The following COLEC12 variants were observed in gnomAD, a reference collection of about 807,000 sequenced individuals.
The protein encoded by COLEC12 is collectin-12.
COLEC12 carries 33 observed loss-of-function variants against 71.1 expected under a neutral mutation model. That is an observed-to-expected ratio of 0.46 (90% CI 0.35 to 0.62). The LOEUF is 0.62. Among genes scored for constraint, COLEC12 ranks in the 20% least tolerant of loss-of-function variants. The probability of loss-of-function intolerance (pLI) is 0.00; values close to 1 mark genes in which losing one functional copy is unlikely to be tolerated. For missense variants in COLEC12, 765 were observed against 916.1 expected (o/e 0.84, Z 2.13); for synonymous variants, 350 against 353.0 (o/e 0.99, Z 0.10).
chr18:343,655 G>A (rs1039640782), intron 5 of COLEC12, among the ~76,000 whole-genome samples: 1 of 152,160 alleles, frequency 6.6e-6, no homozygotes, highest in African/African-American at 2.4e-5. Context: ...GGTACCGTAG[G>A]GAGGGGCACA....
At chr18:371,413 C>G (rs1400431353) in intron 2 of COLEC12, among the ~76,000 whole-genome samples, 7 of 152,158 alleles carry the variant, frequency 4.6e-5, no homozygotes, top group Admixed American at 4.6e-4. Flanking sequence ...CTCCTGCTCA[C>G]TTCCCAGACA....
intron 2 of COLEC12, among the ~76,000 whole-genome samples, chr18:409,278 C>T (rs1053449791): frequency 6.6e-6 from 1 of 152,348 alleles, no homozygotes; most frequent in African/African-American, 2.4e-5. Context: ...TGGTGGCTCA[C>T]GCCTATAATC....
Position 409,000 on chromosome 18 carries a change from A to G in COLEC12, c.59-51478T>C, listed in dbSNP as rs1262665481. On this transcript the variant is annotated intron_variant, in intron 2 of 9. Coordinates refer to ENST00000400256, the MANE Select transcript of COLEC12 (RefSeq NM_130386.3). The surrounding 1 kb of genome is among the most constrained non-coding windows in gnomAD (Gnocchi z 4.3). ...GGCACATACCACCACGCCTAGCTAA[A>G]TTTTGTATTTTTTTTTGGAGAGACA... Among the ~76,000 whole-genome samples, 1 of 151,336 alleles carries G rather than the reference A, an allele frequency of 6.6e-6. No homozygotes were observed. The highest frequency in any genetic ancestry group is 1.5e-5 in the Non-Finnish European group (1 of 67,896).
At chr18:475,055 CAAGAGCTA>C (rs1277583446) in intron 2 of COLEC12, among the ~76,000 whole-genome samples, 3 of 150,900 alleles carry the variant, frequency 2.0e-5, no homozygotes, top group Admixed American at 6.7e-5. Context: ...GCCTGGGCGA[CAAGAGCTA>C]AACTCCGTCT....
At chr18:413,913 C>T (rs913074830) in intron 2 of COLEC12, among the ~76,000 whole-genome samples, 4 of 152,200 alleles carry the variant, frequency 2.6e-5, no homozygotes, top group Admixed American at 2.0e-4. Flanking sequence ...TGGTTATATA[C>T]TCTATGATTC....
chr18:430,831 A>G (rs1916288361), intron 2 of COLEC12, among the ~76,000 whole-genome samples: 1 of 152,196 alleles, frequency 6.6e-6, no homozygotes, highest in Non-Finnish European at 1.5e-5. Context: ...TAATTTCCTA[A>G]ACAAATATAT....
intron 2 of COLEC12, among the ~76,000 whole-genome samples, chr18:367,444 G>A (rs1238414146): frequency 6.6e-6 from 1 of 152,114 alleles, no homozygotes; most frequent in African/African-American, 2.4e-5. Context: ...CAATCAACCT[G>A]ACAGACATTC....
chr18:323,161 GT>G (rs1282386875), intron 8 of COLEC12, among the ~76,000 whole-genome samples: 9 of 152,256 alleles, frequency 5.9e-5, no homozygotes, highest in Non-Finnish European at 8.8e-5. Context: ...GGAGGTGGAG[GT>G]TTGCAGTGAG....
At chr18:428,082 T>C (rs1233215552) in intron 2 of COLEC12, among the ~76,000 whole-genome samples, 1 of 151,892 alleles carries the variant, frequency 6.6e-6, no homozygotes. Context: ...CTGGCCAACA[T>C]GGTGAAACCC....
At chr18:376,125 T>G (rs917789785) in intron 2 of COLEC12, among the ~76,000 whole-genome samples, 1 of 152,128 alleles carries the variant, frequency 6.6e-6, no homozygotes, top group Non-Finnish European at 1.5e-5. Flanking sequence ...AGTCCTGGGA[T>G]AGAAGAGAGG....
At chr18:329,582 A>G (rs1479904983) in intron 8 of COLEC12, among the ~76,000 whole-genome samples, 1 of 152,134 alleles carries the variant, frequency 6.6e-6, no homozygotes, top group Non-Finnish European at 1.5e-5. Context: ...TTGGCTCATC[A>G]GGCAAAGTCT....
At chr18:340,773 T>C (rs749598445) in intron 5 of COLEC12, among the ~76,000 whole-genome samples, 6 of 152,188 alleles carry the variant, frequency 3.9e-5, no homozygotes, top group Non-Finnish European at 8.8e-5. Flanking sequence ...ATGCACTTAA[T>C]CAAATATTTA....
At chr18:424,794 G>C (rs1916164874) in intron 2 of COLEC12, among the ~76,000 whole-genome samples, 1 of 152,156 alleles carries the variant, frequency 6.6e-6, no homozygotes, top group African/African-American at 2.4e-5. Context: ...GCCTGCATCA[G>C]GATGTGGGGA....
intron 2 of COLEC12, among the ~76,000 whole-genome samples, chr18:364,904 G>A (rs1414166359): frequency 6.6e-6 from 1 of 152,048 alleles, no homozygotes; most frequent in Non-Finnish European, 1.5e-5. Context: ...GGTCAAAGAG[G>A]GTGAGTACCC....
intron 2 of COLEC12, among the ~76,000 whole-genome samples, chr18:416,717 G>C (rs1174714110): frequency 1.3e-5 from 2 of 152,108 alleles, no homozygotes; most frequent in Non-Finnish European, 2.9e-5. Flanking sequence ...TCATGGGGAA[G>C]GCACCAGCTC....
At chr18:498,062 G>A (rs567083664) in intron 1 of COLEC12, among the ~76,000 whole-genome samples, 35 of 152,058 alleles carry the variant, frequency 2.3e-4, no homozygotes, top group Non-Finnish European at 4.3e-4. Context: ...CAAGCCACAC[G>A]GGGTAACTGA....
In COLEC12 at chr18:346,799, A is replaced by G. The variant is rs908838432; in HGVS notation, c.823T>C (p.Leu275=). 6 of 1,614,088 alleles carry G rather than the reference A, an allele frequency of 3.7e-6. No individual in the cohort carries two copies. The African/African-American group carries it at 8.0e-5, about 22-fold the overall frequency. ...LQTLAANNSA[L]AKANNDTLED... Reference sequence around the variant, plus strand: ...AGGGTGTCGTTGTTGGCTTTGGCCAACGCAGAGTTGTTGGCAGCCAGCGTC... The same window carrying G: ...AGGGTGTCGTTGTTGGCTTTGGCCAGCGCAGAGTTGTTGGCAGCCAGCGTC... The change falls in exon 5 of 10, where the codon TTG becomes CTG. Residue 275 remains leucine, a synonymous_variant. Transcript: ENST00000400256. This position sits in a 1 kb window ranked among gnomAD's most constrained non-coding sequence, Gnocchi z 4.0.
chr18:466,858 C>A (rs1379466484), intron 2 of COLEC12, among the ~76,000 whole-genome samples: 1 of 152,064 alleles, frequency 6.6e-6, no homozygotes, highest in African/African-American at 2.4e-5. Flanking sequence ...ATGGCCTTAT[C>A]CCCAACCCCA....
intron 1 of COLEC12, among the ~76,000 whole-genome samples, chr18:493,880 T>C (rs1329105822): frequency 6.6e-6 from 1 of 152,254 alleles, no homozygotes; most frequent in African/African-American, 2.4e-5. Context: ...TTGTTTAATG[T>C]TGTGATTCCT....
Sources: allele counts gnomAD v4.1 joint callset (sites outside exome capture counted in the v4.1 genomes callset), GRCh38; gene constraint gnomAD v4.1.1; non-coding constraint Gnocchi (gnomAD v3.1); transcripts MANE v1.5; gene names NCBI Gene and HGNC (gene_info 2026-07-23, HGNC 2026-07-21).